KATNAL1: variants seen among roughly 807,000 people sequenced by gnomAD.
KATNAL1 encodes katanin catalytic subunit A1 like 1.
KATNAL1 carries 32 observed loss-of-function variants against 55.2 expected under a neutral mutation model. The ratio of observed to expected loss-of-function variants is 0.58; its 90% CI spans 0.44 to 0.78. The LOEUF (loss-of-function observed/expected upper bound fraction) is 0.78, where lower values mean the gene tolerates loss of function less well. Among genes scored for constraint, KATNAL1 ranks in the 30% least tolerant of loss-of-function variants. The probability of loss-of-function intolerance (pLI) is 0.00; values close to 1 mark genes in which losing one functional copy is unlikely to be tolerated. For missense variants in KATNAL1, 466 were observed against 600.9 expected, an observed-to-expected ratio of 0.78 and a Z score of 2.35; for synonymous variants, 193 against 193.6, an observed-to-expected ratio of 1.00 and a Z score of 0.02.
intron 4 of KATNAL1, among the ~76,000 whole-genome samples, 186 bp downstream of exon 4, chr13:30,255,261 G>A (rs1459078605): frequency 2.0e-5 from 3 of 151,876 alleles, no homozygotes; most frequent in Non-Finnish European, 2.9e-5. Flanking sequence ...TATTTACTAC[G>A]CCTCTGAGGT....
Position 30,205,639 on chromosome 13 carries a change from T to TAC in KATNAL1, c.*2900_*2901insGT, listed in dbSNP as rs1277418078. 8.8e-5 allele frequency: 5 copies of TAC among 57,124 alleles called. No homozygotes were observed. Among genetic ancestry groups the TAC allele is most frequent in the African/African-American group, 4.8e-4 (4 of 8,412 alleles). 3.5% of individuals were successfully genotyped at this position (57,124 alleles called of 1,614,324 possible). ...GTGTGTGTGTGTGTGTGTATGTGAG[T>TAC]GTGAGTGTGTGTGTGATGTACATTA... On this transcript the variant is annotated 3_prime_UTR_variant, in exon 11 of 11. Transcript: ENST00000380615.
chr13:30,287,547 G>T (rs191021711), intron 1 of KATNAL1, among the ~76,000 whole-genome samples: 1 of 152,298 alleles, frequency 6.6e-6, no homozygotes, highest in Admixed American at 6.5e-5. Flanking sequence ...AGCAGCATGA[G>T]AATGGACTAA....
intron 3 of KATNAL1, among the ~76,000 whole-genome samples, chr13:30,273,428 A>G (rs1353435502): frequency 1.3e-5 from 2 of 152,238 alleles, no homozygotes; most frequent in African/African-American, 4.8e-5. Flanking sequence ...TTGATAAAGT[A>G]ACTTAGAATC....
At chr13:30,210,018 G>A (rs867305225) in intron 10 of KATNAL1, among the ~76,000 whole-genome samples, 3 of 152,016 alleles carry the variant, frequency 2.0e-5, no homozygotes, top group Admixed American at 6.6e-5. Context: ...TCCTGACCTC[G>A]TGATCCACCC....
chr13:30,244,845 C>T (rs1877626724), intron 4 of KATNAL1, among the ~76,000 whole-genome samples: 2 of 152,030 alleles, frequency 1.3e-5, no homozygotes, highest in Non-Finnish European at 2.9e-5. Flanking sequence ...CAAGACTAAA[C>T]CAGGAAGAAG....
rs1330120197 is a variant in KATNAL1 at position 30,210,341 on chromosome 13, C to T, written c.1249G>A (p.Gly417Ser). Reference protein sequence around the residue: ...DIAEKIEGYSGADITNVCRDA... With the variant: ...DIAEKIEGYSSADITNVCRDA... ...CTGCAAACATTAGTGATGTCAGCAC[C>T]AGAATAGCCCTCAATCTTCTCGGCT... The change falls in exon 10 of 11, where the codon GGT (glycine) becomes AGT (serine). Residue 417 changes from glycine to serine, a missense_variant. Transcript: ENST00000380615. 1.2e-6 allele frequency: 2 copies of T among 1,603,468 alleles called. No individual in the cohort carries two copies. The highest frequency in any genetic ancestry group is 1.7e-5 in the Admixed American group (1 of 57,794).
chr13:30,257,042 A>G (rs1214734805), intron 3 of KATNAL1, among the ~76,000 whole-genome samples: 1 of 152,240 alleles, frequency 6.6e-6, no homozygotes, highest in Non-Finnish European at 1.5e-5. Flanking sequence ...TTACATTATC[A>G]TCTTTAGGAC....
At chr13:30,273,876 T>G (rs1223525695) in intron 3 of KATNAL1, among the ~76,000 whole-genome samples, 1 of 152,200 alleles carries the variant, frequency 6.6e-6, no homozygotes, top group East Asian at 1.9e-4. Flanking sequence ...GATCTAGATA[T>G]TATCTGCTCC....
chr13:30,281,501 GGAAGGATA>G lies in KATNAL1; in HGVS notation c.163-1286_163-1279del, dbSNP rs567947834. Among the ~76,000 whole-genome samples, 30 of 152,236 alleles carry G rather than the reference GGAAGGATA, an allele frequency of 2.0e-4. 1 individual carries two copies. The South Asian group carries it at 6.2e-3, about 32-fold the overall frequency. On this transcript the variant is annotated intron_variant, in intron 2 of 10. Coordinates refer to ENST00000380615, the MANE Select transcript of KATNAL1 (RefSeq NM_032116.5). ...TAAAATACCCTGCCTGTGGCTAATA[GGAAGGATA>G]GAAGAAAACAACTAAAAATTTGAGC...
chr13:30,282,388 A>C (rs2137535072), intron 2 of KATNAL1, among the ~76,000 whole-genome samples: 1 of 152,334 alleles, frequency 6.6e-6, no homozygotes, highest in African/African-American at 2.4e-5. Flanking sequence ...ATGTAATACC[A>C]GTGCTTTGAG....
chr13:30,233,881 G>A lies in KATNAL1; in HGVS notation c.727-2409C>T, dbSNP rs577980710. On this transcript the variant is annotated intron_variant, in intron 6 of 10. Transcript: ENST00000380615. ...ATCACATGTTTTCATTCATTTGTGG[G>A]AGCTAAGAAAGGATCTCATGAAGAC... Among the ~76,000 whole-genome samples the A allele has an allele frequency of 5.9e-5, 9 of 152,246 alleles. No homozygotes were observed. In the East Asian group the frequency reaches 1.7e-3, roughly 29 times the overall value.
At chr13:30,266,313 G>C (rs1438561117) in intron 3 of KATNAL1, among the ~76,000 whole-genome samples, 1 of 152,094 alleles carries the variant, frequency 6.6e-6, no homozygotes, top group Non-Finnish European at 1.5e-5. Flanking sequence ...GCTTTTAAGA[G>C]ATGTTAAAAT....
At chr13:30,259,295 G>A (rs147241349) in intron 3 of KATNAL1, among the ~76,000 whole-genome samples, 3,036 of 152,014 alleles carry the variant, frequency 0.02, 91 homozygotes, top group African/African-American at 0.069. Flanking sequence ...AGTTGAGATC[G>A]TGCCACTGCA....
rs1427896321 is a variant in KATNAL1, at chr13:30,280,223, C to A, written c.163G>T (p.Val55Phe). ...TATTCCTCCAATAATTCCTGCCGAA[C>A]CTTAAAAAAAAAAAATAGGCTTTAT... Reference protein sequence around the residue: ...DPAIKGKWQQVRQELLEEYEQ... With the variant: ...DPAIKGKWQQFRQELLEEYEQ... The change falls in exon 3 of 11, where the codon GTT becomes TTT. Residue 55 changes from valine (V) to phenylalanine (F), a missense_variant and splice_region_variant. This residue lies in a region of KATNAL1 where 248 missense variants were observed against 275.5 expected (regional missense o/e 0.90). Transcript: ENST00000380615. The A allele has an allele frequency of 3.2e-6, 5 of 1,555,582 alleles. No homozygotes were observed. Among genetic ancestry groups the A allele is most frequent in the Admixed American group, 4.3e-5 (2 of 46,940 alleles).
chr13:30,230,675 G>C, intron 7 of KATNAL1, 81 bp from the exon 8 acceptor site: 2 of 1,059,702 alleles, frequency 1.9e-6, no homozygotes, highest in Non-Finnish European at 2.7e-6. Context: ...TTAAAACAAT[G>C]GCAAAAGAGA....
chr13:30,208,693 A>G lies in KATNAL1; in HGVS notation c.1320T>C (p.Ser440=). Residue 440 remains serine, a synonymous_variant, in exon 11 of 11, where the codon AGT becomes AGC. Transcript: ENST00000380615. The part of the protein sequence containing the change: ...MAMRRRINGL[S]PEEIRALSKE... Reference sequence around the variant, plus strand: ...TAGAAAGTGCACGGATTTCTTCTGGACTTAAGCCATTGATACGCCGTCTCA... The same window carrying G: ...TAGAAAGTGCACGGATTTCTTCTGGGCTTAAGCCATTGATACGCCGTCTCA... The G allele has an allele frequency of 6.2e-7, 1 of 1,613,772 alleles. No individual in the cohort carries two copies. The highest frequency in any genetic ancestry group is 8.5e-7 in the Non-Finnish European group (1 of 1,179,870).
intron 3 of KATNAL1, among the ~76,000 whole-genome samples, chr13:30,279,784 A>T (rs1881136429): frequency 6.6e-6 from 1 of 152,172 alleles, no homozygotes; most frequent in Admixed American, 6.5e-5. Flanking sequence ...GCCATTACGA[A>T]ACCCAAAAGA....
intron 1 of KATNAL1, among the ~76,000 whole-genome samples, chr13:30,305,021 T>C (rs1298037764): frequency 6.6e-6 from 1 of 152,200 alleles, no homozygotes; most frequent in East Asian, 1.9e-4. Context: ...TCTTCACTTC[T>C]CTACTGGACT....
At chr13:30,216,701 G>C (rs979605743) in intron 9 of KATNAL1, among the ~76,000 whole-genome samples, 2 of 152,200 alleles carry the variant, frequency 1.3e-5, no homozygotes, top group African/African-American at 4.8e-5. Flanking sequence ...GGAGAGAAAG[G>C]GGTGAGGGGA....
Sources: allele counts gnomAD v4.1 joint callset (sites outside exome capture counted in the v4.1 genomes callset), GRCh38; gene constraint gnomAD v4.1.1; regional missense constraint gnomAD v4.1.1; transcripts MANE v1.5; gene names NCBI Gene and HGNC (gene_info 2026-07-23, HGNC 2026-07-21).